Variants in SASH1 observed in about 807,000 individuals in gnomAD.
SASH1 encodes the protein SAM and SH3 domain containing 1.
Under a neutral mutation model 125.2 loss-of-function variants are expected in SASH1, and 44 were observed. The ratio of observed to expected loss-of-function variants is 0.35; its 90% CI spans 0.28 to 0.45. SASH1 has a LOEUF of 0.45. Ranked by LOEUF, SASH1 falls within the 20% of genes least tolerant of loss-of-function variation. SASH1 has a pLI of 1.00. For synonymous variants in SASH1, 639 were observed against 649.1 expected (o/e 0.98, Z 0.24); for missense variants, 1,426 against 1,614.5 (o/e 0.88, Z 2.00).
Position 148,544,541 on chromosome 6 carries a change from GCAGCCCCGC to G in SASH1, c.3079_3087del (p.Ala1027_Pro1029del), listed in dbSNP as rs1159772929. The G allele has an allele frequency of 1.5e-5, 24 of 1,612,872 alleles. No individual in the cohort carries two copies. The highest frequency in any genetic ancestry group is 5.0e-5 in the Admixed American group (3 of 60,004). On this transcript the variant is annotated inframe_deletion, in exon 18 of 20. Transcript: ENST00000367467. The surrounding 1 kb of genome is among the most constrained non-coding windows in gnomAD (Gnocchi z 6.4). Reference sequence around the variant, plus strand: ...GCGCCATGCCTGCCAGTGAAAAGGGGCAGCCCCGCCAGCCCCACCAGCCCTAGCGACTGT... The same window carrying G: ...GCGCCATGCCTGCCAGTGAAAAGGGGCAGCCCCACCAGCCCTAGCGACTGT...
chr6:148,233,673 T>G, the SASH1 span, among the ~76,000 whole-genome samples: 1 of 144,040 alleles, frequency 6.9e-6, no homozygotes, highest in African/African-American at 2.7e-5. Context: ...AGAGGGAGGA[T>G]TGCTTGAGGT....
upstream of SASH1, among the ~76,000 whole-genome samples, chr6:148,267,580 G>C (rs973711448): frequency 6.6e-6 from 1 of 151,966 alleles, no homozygotes; most frequent in Non-Finnish European, 1.5e-5. Flanking sequence ...GGGTTTCACC[G>C]TGTTAGCCAG....
At chr6:148,246,363 T>C in the SASH1 span, among the ~76,000 whole-genome samples, 1 of 152,228 alleles carries the variant, frequency 6.6e-6, no homozygotes. Context: ...AATTTTAAGG[T>C]AGTGGGGTAA....
At chr6:148,419,403 G>A (rs1784953003) in intron 2 of SASH1, among the ~76,000 whole-genome samples, 1 of 152,188 alleles carries the variant, frequency 6.6e-6, no homozygotes, top group Non-Finnish European at 1.5e-5. Flanking sequence ...CAGAGAAAAT[G>A]TGGATGACTT....
chr6:148,490,720 C>T (rs886139295), intron 8 of SASH1, among the ~76,000 whole-genome samples: 7 of 152,146 alleles, frequency 4.6e-5, no homozygotes, highest in Non-Finnish European at 8.8e-5. Flanking sequence ...TCCCTCTGTT[C>T]TTGCAGTTAT....
chr6:148,328,630 T>G (rs1409662743), intron 1 of SASH1, among the ~76,000 whole-genome samples: 2 of 151,964 alleles, frequency 1.3e-5, no homozygotes, highest in East Asian at 3.8e-4. Flanking sequence ...TGTGATTACT[T>G]TTGCACCTAG....
the SASH1 span, among the ~76,000 whole-genome samples, chr6:148,218,803 G>A: frequency 6.6e-6 from 1 of 152,218 alleles, no homozygotes; most frequent in Admixed American, 6.5e-5. Flanking sequence ...CTGCTTCTCT[G>A]TGATGATAGT....
At chr6:148,370,209 T>A (rs750284348) in intron 1 of SASH1, among the ~76,000 whole-genome samples, 2 of 152,136 alleles carry the variant, frequency 1.3e-5, no homozygotes, top group Non-Finnish European at 2.9e-5. Context: ...TATCTGTACA[T>A]CTTTTATTAA....
chr6:148,312,146 C>T lies in SASH1; in HGVS notation n.74+39769C>T, dbSNP rs371413922. On this transcript the variant is annotated intron_variant and non_coding_transcript_variant, in intron 1 of 3. Coordinates refer to the SASH1 transcript ENST00000367469. Reference sequence around the variant, plus strand: ...TTTCTGGAGTTTGGTGGTCGGGGGACGAGTTGACTGTTAAATAGCATGAGG... The same window carrying T: ...TTTCTGGAGTTTGGTGGTCGGGGGATGAGTTGACTGTTAAATAGCATGAGG... 4.6e-5 allele frequency among the ~76,000 whole-genome samples: 7 copies of T among 152,154 alleles called. No homozygotes were observed. The East Asian group carries it at 7.7e-4, about 17-fold the overall frequency.
At chr6:148,543,543 G>C in intron 17 of SASH1, 137 bp from the exon 18 acceptor site, 1 of 662,612 alleles carries the variant, frequency 1.5e-6, no homozygotes, top group Middle Eastern at 2.8e-4. Flanking sequence ...GTCATAAATG[G>C]TGATTTTATG....
intron 2 of SASH1, among the ~76,000 whole-genome samples, chr6:148,400,843 G>T (rs1013481454): frequency 7.2e-5 from 11 of 152,138 alleles, no homozygotes; most frequent in African/African-American, 2.7e-4. Flanking sequence ...GAAGACCATT[G>T]CCCCCATTCC....
chr6:148,220,381 C>T, the SASH1 span, among the ~76,000 whole-genome samples: 14 of 152,300 alleles, frequency 9.2e-5, 1 homozygote, highest in Middle Eastern at 3.4e-3. Context: ...TCTTGTAAGG[C>T]ACTAATCCAT....
Position 148,506,860 on chromosome 6 carries a change from A to G in SASH1, c.730-7464A>G, listed in dbSNP as rs1217336021. 2.0e-5 allele frequency among the ~76,000 whole-genome samples: 3 copies of G among 152,284 alleles called. No homozygotes were observed. In the East Asian group the frequency reaches 5.8e-4, roughly 29 times the overall value. On this transcript the variant is annotated intron_variant, in intron 8 of 19. Transcript: ENST00000367467. ...TCTTGGATGAAGAAAGGTCTTGTTG[A>G]GGTAGGGTAGTGGCACAGGAGCAAA...
At chr6:148,298,697 G>T (rs1779836691) in intron 1 of SASH1, among the ~76,000 whole-genome samples, 1 of 80,990 alleles carries the variant, frequency 1.2e-5, no homozygotes, top group Non-Finnish European at 2.5e-5. Flanking sequence ...AAGGAAGGAA[G>T]GAAGGAAGGA....
In SASH1 at chr6:148,327,057, A is replaced by G. The variant is rs185733136; in HGVS notation, n.74+54680A>G. ...TGTAAGGGGTTCAACCCCTTCATGA[A>G]CAATTCTTGCTCCTCACCAATATTG... On this transcript the variant is annotated intron_variant and non_coding_transcript_variant, in intron 1 of 3. Coordinates refer to the SASH1 transcript ENST00000367469. Among the ~76,000 whole-genome samples the G allele has an allele frequency of 5.3e-3, 807 of 152,186 alleles. 4 individuals are homozygous for G. Among genetic ancestry groups the G allele is most frequent in the Non-Finnish European group, 8.7e-3 (594 of 67,998 alleles).
the SASH1 span, chr6:148,239,891 C>G: frequency 2.0e-5 from 3 of 152,192 alleles, no homozygotes; most frequent in Non-Finnish European, 4.4e-5. Context: ...GAGCTACACT[C>G]GGGTGCTCAC....
upstream of SASH1, among the ~76,000 whole-genome samples, chr6:148,268,371 C>CT (rs1206890556): frequency 6.6e-6 from 1 of 152,162 alleles, no homozygotes; most frequent in African/African-American, 2.4e-5. Flanking sequence ...TACCCTATTA[C>CT]TTGAAGCTCA....
chr6:148,214,743 G>A, the SASH1 span, among the ~76,000 whole-genome samples: 1 of 152,160 alleles, frequency 6.6e-6, no homozygotes, highest in African/African-American at 2.4e-5. Flanking sequence ...GCTTGGATGA[G>A]GGAGCGGGGA....
rs1779276450 is a variant in SASH1 at position 148,495,610 on chromosome 6, A to T, written c.729+7895A>T. 6.6e-6 allele frequency among the ~76,000 whole-genome samples: 1 copy of T among 152,216 alleles called. No homozygotes were observed. Among genetic ancestry groups the T allele is most frequent in the South Asian group, 2.1e-4 (1 of 4,820 alleles). On this transcript the variant is annotated intron_variant, in intron 8 of 19. Transcript: ENST00000367467. The surrounding 1 kb of genome is among the most constrained non-coding windows in gnomAD (Gnocchi z 4.0). ...AAGATTTCTTTAATGGCAGCATATG[A>T]TGAATTTACAAAATCTGCTCCCACC...
Sources: gnomAD v4.1 joint callset for allele counts (sites outside exome capture counted in the v4.1 genomes callset) on GRCh38, gnomAD v4.1.1 for gene constraint, Gnocchi (gnomAD v3.1) non-coding constraint, MANE v1.5 for transcripts, NCBI Gene and HGNC (gene_info 2026-07-23, HGNC 2026-07-21) for gene names.